The following LRRIQ1 variants were observed in gnomAD, a reference collection of about 807,000 sequenced individuals.
The protein encoded by LRRIQ1 is leucine-rich repeat- and IQ domain-containing protein 1.
In LRRIQ1, 210 loss-of-function variants were observed where a neutral mutation model predicts 211.9. The observed-to-expected ratio is 0.99, with a 90% CI of 0.89 to 1.11. The LOEUF is 1.11. Among genes scored for constraint, LRRIQ1 ranks in the 50% most tolerant of loss-of-function variants. The pLI, the probability that LRRIQ1 is intolerant of heterozygous loss-of-function variation, is 0.00. For synonymous variants in LRRIQ1, 699 were observed against 650.1 expected, an observed-to-expected ratio of 1.08 and a Z score of -1.14; for missense variants, 2,136 against 1,939.5, an observed-to-expected ratio of 1.10 and a Z score of -1.90.
At chr12:85,040,027 C>T (rs1408655136) in intron 2 of LRRIQ1, among the ~76,000 whole-genome samples, 1 of 151,472 alleles carries the variant, frequency 6.6e-6, no homozygotes, top group African/African-American at 2.4e-5. Flanking sequence ...TAATAGCTTA[C>T]AAATGTGACT....
intron 24 of LRRIQ1, among the ~76,000 whole-genome samples, chr12:85,225,420 C>G (rs1417962627): frequency 1.3e-5 from 2 of 152,014 alleles, no homozygotes; most frequent in Admixed American, 1.3e-4. Flanking sequence ...AAATATTAAC[C>G]AGTGGTTGTC....
chr12:85,054,359 C>A (rs1328491096), intron 7 of LRRIQ1, among the ~76,000 whole-genome samples: 2 of 152,140 alleles, frequency 1.3e-5, no homozygotes, highest in Non-Finnish European at 1.5e-5. Context: ...TAAAAAGGAG[C>A]ACAGTAAAAC....
chr12:85,173,653 A>G (rs1298976126), intron 24 of LRRIQ1, among the ~76,000 whole-genome samples: 1 of 152,022 alleles, frequency 6.6e-6, no homozygotes, highest in Non-Finnish European at 1.5e-5. Flanking sequence ...ACATACACAC[A>G]CACACAGAAA....
intron 11 of LRRIQ1, among the ~76,000 whole-genome samples, chr12:85,079,563 G>A (rs1032032549): frequency 2.0e-5 from 3 of 151,720 alleles, no homozygotes; most frequent in Non-Finnish European, 4.4e-5. Flanking sequence ...TACAAATTTT[G>A]TTTCCAGTTT....
intron 24 of LRRIQ1, among the ~76,000 whole-genome samples, chr12:85,187,587 A>G (rs1892282163): frequency 6.6e-6 from 1 of 151,976 alleles, no homozygotes; most frequent in Non-Finnish European, 1.5e-5. Context: ...CAGGTGGATC[A>G]CCTAAGGTCA....
At position 85,055,584 on chromosome 12, in the gene LRRIQ1, A is replaced by G; in HGVS notation, c.791A>G (p.Glu264Gly). Residue 264 changes from glutamate (E) to glycine (G), a missense_variant, in exon 8 of 27, where the codon GAA becomes GGA. Physicochemically the swap from Glu to Gly is moderately conservative, Grantham distance 98. Transcript: ENST00000393217. Reference sequence around the variant, plus strand: ...AACTTGCATTTACAAATGGAAGAAGAAAGAACAAGATTTAAAGACCAACAA... The same window carrying G: ...AACTTGCATTTACAAATGGAAGAAGGAAGAACAAGATTTAAAGACCAACAA... ...IRNLHLQMEE[E>G]RTRFKDQQEK... 1 of 1,554,100 alleles carries G rather than the reference A, an allele frequency of 6.4e-7. No individual in the cohort carries two copies.
intron 23 of LRRIQ1, among the ~76,000 whole-genome samples, chr12:85,158,186 C>G (rs1890663878): frequency 6.6e-6 from 1 of 151,558 alleles, no homozygotes; most frequent in African/African-American, 2.4e-5. Context: ...CATCTCAGAC[C>G]TACTACCACC....
intron 14 of LRRIQ1, 28 bp from the exon 15 acceptor site, chr12:85,106,494 C>A (rs760691805): frequency 6.9e-7 from 1 of 1,444,716 alleles, no homozygotes; most frequent in Non-Finnish European, 9.7e-7. Flanking sequence ...TGTGATGATA[C>A]CTTTCAAAAT....
chr12:85,203,972 C>A (rs1019064392), intron 24 of LRRIQ1, among the ~76,000 whole-genome samples: 6 of 152,080 alleles, frequency 3.9e-5, no homozygotes, highest in Non-Finnish European at 7.4e-5. Flanking sequence ...CAGAGATCTT[C>A]ACGACAGCCC....
intron 6 of LRRIQ1, among the ~76,000 whole-genome samples, chr12:85,050,911 C>G (rs1880227836): frequency 6.6e-6 from 1 of 152,128 alleles, no homozygotes. Flanking sequence ...TGCATTTGTT[C>G]TCACTCTTGC....
At chr12:85,054,147 A>G (rs952067985) in intron 7 of LRRIQ1, among the ~76,000 whole-genome samples, 2 of 152,130 alleles carry the variant, frequency 1.3e-5, no homozygotes, top group Admixed American at 6.6e-5. Context: ...CTGGTTTTCT[A>G]CTAGGTCAGG....
chr12:85,209,541 T>TA (rs1010230446), intron 24 of LRRIQ1, among the ~76,000 whole-genome samples: 64 of 152,282 alleles, frequency 4.2e-4, no homozygotes, highest in Middle Eastern at 3.4e-3. Flanking sequence ...CTCTTTATTT[T>TA]AAAAAAATGC....
intron 1 of LRRIQ1, among the ~76,000 whole-genome samples, chr12:85,256,364 C>T (rs1418767406): frequency 6.6e-6 from 1 of 151,464 alleles, no homozygotes; most frequent in African/African-American, 2.4e-5. Context: ...AATTGTTTGA[C>T]TTGTATTTTT....
chr12:85,174,277 C>A (rs1001745224), intron 24 of LRRIQ1, among the ~76,000 whole-genome samples: 11 of 151,764 alleles, frequency 7.2e-5, no homozygotes, highest in African/African-American at 2.7e-4. Flanking sequence ...ATAAAAAAAA[C>A]TTGGCAGAAG....
chr12:85,145,412 C>A (rs953918423), intron 19 of LRRIQ1, among the ~76,000 whole-genome samples: 2 of 151,668 alleles, frequency 1.3e-5, no homozygotes, highest in African/African-American at 2.4e-5. Context: ...CGAACACTTA[C>A]AACCAAGAGT....
chr12:85,129,647 G>C (rs1888617227), intron 18 of LRRIQ1, among the ~76,000 whole-genome samples: 1 of 152,178 alleles, frequency 6.6e-6, no homozygotes. Context: ...AGGAACATCA[G>C]ATTCTAAGGC....
intron 10 of LRRIQ1, among the ~76,000 whole-genome samples, chr12:85,071,548 A>G (rs1883082816): frequency 6.6e-6 from 1 of 152,032 alleles, no homozygotes; most frequent in Non-Finnish European, 1.5e-5. Flanking sequence ...TGCAATTTGT[A>G]TCAATGGGTC....
chr12:85,167,896 A>G (rs564876148), intron 24 of LRRIQ1, among the ~76,000 whole-genome samples: 1 of 144,076 alleles, frequency 6.9e-6, no homozygotes, highest in East Asian at 3.0e-4. Flanking sequence ...CGCAGCTAGC[A>G]TTCATACAAT....
At chr12:85,242,267 TG>T (rs1385031299) in intron 26 of LRRIQ1, among the ~76,000 whole-genome samples, 2 of 151,934 alleles carry the variant, frequency 1.3e-5, no homozygotes, top group Non-Finnish European at 2.9e-5. Flanking sequence ...CAGGTTAAGT[TG>T]GCCCTCCATA....
Sources: allele counts gnomAD v4.1 joint callset (sites outside exome capture counted in the v4.1 genomes callset), GRCh38; gene constraint gnomAD v4.1.1; transcripts MANE v1.5; gene names NCBI Gene and HGNC (gene_info 2026-07-23, HGNC 2026-07-21).